Variants in NFIB observed in about 807,000 individuals in gnomAD.
NFIB encodes the protein nuclear factor I B, also known as nuclear factor 1 B-type.
In NFIB, 11 loss-of-function variants were observed where a neutral mutation model predicts 61.5. The observed-to-expected ratio is 0.18, with a 90% confidence interval of 0.11 to 0.30. The LOEUF is 0.30. Ranked by LOEUF, NFIB falls within the 10% of genes least tolerant of loss-of-function variation. NFIB has a pLI of 1.00. For missense variants in NFIB, 471 were observed against 608.9 expected (o/e 0.77, Z 2.38); for synonymous variants, 260 against 216.5 (o/e 1.20, Z -1.76).
chr9:14,232,539 C>G (rs554185371), intron 2 of NFIB, among the ~76,000 whole-genome samples: 1 of 152,306 alleles, frequency 6.6e-6, no homozygotes, highest in Non-Finnish European at 1.5e-5. Flanking sequence ...TACTTCACAT[C>G]ATGGAACTTG....
chr9:14,346,323 G>A (rs2061022302), intron 1 of NFIB, among the ~76,000 whole-genome samples: 1 of 139,858 alleles, frequency 7.2e-6, no homozygotes, highest in African/African-American at 2.6e-5. Flanking sequence ...AAAGGTAAAG[G>A]TGATCCTGAA....
chr9:14,526,848 G>C, the NFIB span, among the ~76,000 whole-genome samples: 4 of 152,128 alleles, frequency 2.6e-5, no homozygotes, highest in African/African-American at 9.7e-5. Flanking sequence ...AACTCTCCTT[G>C]AGAACACGAC....
intron 3 of NFIB, among the ~76,000 whole-genome samples, chr9:14,167,587 A>G (rs2045021333): frequency 6.6e-6 from 1 of 152,172 alleles, no homozygotes; most frequent in African/African-American, 2.4e-5. Context: ...TGTACACTAT[A>G]TATATGCAAC....
At chr9:14,463,128 T>C in the NFIB span, among the ~76,000 whole-genome samples, 6 of 138,064 alleles carry the variant, frequency 4.3e-5, no homozygotes, top group East Asian at 1.3e-3. Flanking sequence ...ATTAAATAAT[T>C]AAATCATAAA....
intron 3 of NFIB, among the ~76,000 whole-genome samples, chr9:14,159,301 T>C (rs114639260): frequency 0.019 from 2,856 of 152,160 alleles, 76 homozygotes; most frequent in African/African-American, 0.064. Flanking sequence ...ACGGAAACAA[T>C]GGAAAGAGGT....
chr9:14,410,276 A>C, the NFIB span, among the ~76,000 whole-genome samples: 1 of 151,954 alleles, frequency 6.6e-6, no homozygotes. Flanking sequence ...ATATGTTTGC[A>C]ATCTTTGCAT....
At chr9:14,343,259 A>G (rs1282382889) in intron 1 of NFIB, among the ~76,000 whole-genome samples, 1 of 152,138 alleles carries the variant, frequency 6.6e-6, no homozygotes, top group Admixed American at 6.5e-5. Context: ...CTTCTCTTGA[A>G]GGGGAATTGA....
chr9:14,204,182 C>A (rs1345765705), intron 2 of NFIB: 3 of 496,898 alleles, frequency 6.0e-6, no homozygotes, highest in East Asian at 6.1e-5. Context: ...CTTTTCATAC[C>A]TTTCTATGGC....
rs528054156 is a variant in NFIB at position 14,124,272 on chromosome 9, C to G, written c.1060+1360G>C. On this transcript the variant is annotated intron_variant, in intron 7 of 10. Coordinates refer to ENST00000380953, the MANE Select transcript of NFIB (RefSeq NM_001190737.2). ...TCGTAACAAATGGGTGATTTGACTT[C>G]TCAGTTAATTCTGTCCAAATATTCA... Among the ~76,000 whole-genome samples, 4 of 152,230 alleles carry G rather than the reference C, an allele frequency of 2.6e-5. No individual in the cohort carries two copies. The East Asian group carries it at 7.7e-4, about 29-fold the overall frequency.
chr9:14,111,752 T>C (rs1302113921), intron 10 of NFIB, among the ~76,000 whole-genome samples: 1 of 152,232 alleles, frequency 6.6e-6, no homozygotes. Context: ...TTTGGTATTT[T>C]CATAACTGTG....
intron 10 of NFIB, among the ~76,000 whole-genome samples, chr9:14,104,927 G>A (rs992188876): frequency 6.6e-6 from 1 of 152,082 alleles, no homozygotes; most frequent in African/African-American, 2.4e-5. Context: ...TTAGGTTGGA[G>A]AAGTTTTCAG....
At chr9:14,348,149 C>A (rs979854490) in intron 1 of NFIB, among the ~76,000 whole-genome samples, 1 of 152,232 alleles carries the variant, frequency 6.6e-6, no homozygotes, top group Admixed American at 6.5e-5. Flanking sequence ...GAGGCCGCCG[C>A]GGCCCATTCT....
At chr9:14,252,748 T>C (rs2055781738) in intron 2 of NFIB, among the ~76,000 whole-genome samples, 2 of 152,156 alleles carry the variant, frequency 1.3e-5, no homozygotes, top group Non-Finnish European at 2.9e-5. Context: ...CGTCTTAAGA[T>C]CTACTGATGC....
At chr9:14,257,122 C>T (rs2056292609) in intron 2 of NFIB, among the ~76,000 whole-genome samples, 1 of 152,304 alleles carries the variant, frequency 6.6e-6, no homozygotes, top group South Asian at 2.1e-4. Context: ...CTGACTTTGA[C>T]ACCTACTAAC....
At chr9:14,262,057 C>T (rs1416597941) in intron 2 of NFIB, among the ~76,000 whole-genome samples, 5 of 152,048 alleles carry the variant, frequency 3.3e-5, no homozygotes, top group Admixed American at 6.5e-5. Context: ...GGTTTCTGAG[C>T]CCTGACACTA....
chr9:14,160,294 G>A (rs571462695), intron 3 of NFIB, among the ~76,000 whole-genome samples: 4 of 152,082 alleles, frequency 2.6e-5, no homozygotes, highest in African/African-American at 9.6e-5. Context: ...CAATAACAGA[G>A]GGACACAATG....
chr9:14,214,450 A>G (rs1375470819), intron 2 of NFIB, among the ~76,000 whole-genome samples: 1 of 152,184 alleles, frequency 6.6e-6, no homozygotes, highest in East Asian at 1.9e-4. Context: ...AACTGGATAC[A>G]TCTCAGCTCC....
intron 6 of NFIB, among the ~76,000 whole-genome samples, chr9:14,126,604 A>C (rs1429814578): frequency 6.6e-6 from 1 of 152,220 alleles, no homozygotes; most frequent in Admixed American, 6.5e-5. Flanking sequence ...ACAAGTAAAC[A>C]GTGTGTGGAG....
intron 10 of NFIB, among the ~76,000 whole-genome samples, chr9:14,103,255 G>C (rs2036040600): frequency 6.6e-6 from 1 of 151,468 alleles, no homozygotes; most frequent in African/African-American, 2.4e-5. Context: ...AGCTCTGCTT[G>C]GTTAACAGCT....
Sources: allele counts gnomAD v4.1 joint callset (sites outside exome capture counted in the v4.1 genomes callset), GRCh38; gene constraint gnomAD v4.1.1; transcripts MANE v1.5; gene names NCBI Gene and HGNC (gene_info 2026-07-23, HGNC 2026-07-21).